The following VPS54 variants were observed in gnomAD, a reference collection of about 807,000 sequenced individuals.
VPS54 encodes VPS54 subunit of GARP complex.
In VPS54, 45 loss-of-function variants were observed where a neutral mutation model predicts 121.5. The ratio of observed to expected loss-of-function variants is 0.37; its 90% CI spans 0.29 to 0.47. VPS54 has a LOEUF of 0.47. VPS54 is among the 20% of genes least tolerant of loss of function. The pLI is 0.99. For missense variants in VPS54, 1,090 were observed against 1,131.4 expected (o/e 0.96, Z 0.52); for synonymous variants, 371 against 385.8 (o/e 0.96, Z 0.45).
chr2:63,904,558 G>T (rs148706631), intron 20 of VPS54, among the ~76,000 whole-genome samples: 5 of 151,390 alleles, frequency 3.3e-5, no homozygotes, highest in African/African-American at 1.2e-4. Context: ...ACAAAAACTT[G>T]CAAAGATCTG....
chr2:63,956,784 T>C (rs942328044), intron 7 of VPS54, among the ~76,000 whole-genome samples: 20 of 152,208 alleles, frequency 1.3e-4, no homozygotes, highest in Admixed American at 1.3e-4. Flanking sequence ...ATATATGTCC[T>C]CTGTTGTAGA....
At chr2:64,017,996 T>C (rs1678788699) in intron 1 of VPS54, among the ~76,000 whole-genome samples, 1 of 152,222 alleles carries the variant, frequency 6.6e-6, no homozygotes, top group South Asian at 2.1e-4. Context: ...AAGGTGCTTT[T>C]TCCAATTAGA....
At chr2:63,979,308 C>T (rs1307132062) in intron 3 of VPS54, among the ~76,000 whole-genome samples, 4 of 149,730 alleles carry the variant, frequency 2.7e-5, no homozygotes, top group Admixed American at 1.3e-4. Context: ...GGTGCGATCT[C>T]GGCTCACTGC....
At chr2:63,967,651 G>A (rs909562298) in intron 5 of VPS54, among the ~76,000 whole-genome samples, 10 of 141,982 alleles carry the variant, frequency 7.0e-5, no homozygotes, top group African/African-American at 1.6e-4. Flanking sequence ...CCTGGGAGGC[G>A]GAGGTTGCAG....
chr2:63,919,999 G>A lies in VPS54; in HGVS notation c.2052-4C>T, dbSNP rs374466736. On this transcript the variant is annotated splice_polypyrimidine_tract_variant and splice_region_variant and intron_variant, in intron 14 of 22. Transcript: ENST00000272322. ...GCGCTCATTGTCTAAGAGGAGGCTA[G>A]TCCACAGTAAGGAGAAAAGAAGGTA... The A allele has an allele frequency of 1.2e-5, 20 of 1,606,056 alleles. No homozygotes were observed. Among genetic ancestry groups the A allele is most frequent in the Non-Finnish European group, 1.6e-5 (19 of 1,175,678 alleles).
intron 11 of VPS54, among the ~76,000 whole-genome samples, chr2:63,936,553 A>G (rs1674463907): frequency 6.6e-6 from 1 of 152,186 alleles, no homozygotes; most frequent in Admixed American, 6.5e-5. Flanking sequence ...ATGACAGACT[A>G]GGATTATTTA....
chr2:63,959,689 C>G (rs193224045), intron 7 of VPS54, among the ~76,000 whole-genome samples: 1 of 152,174 alleles, frequency 6.6e-6, no homozygotes, highest in Non-Finnish European at 1.5e-5. Context: ...GAGTTCGAGA[C>G]CAGCCTGGGT....
intron 1 of VPS54, among the ~76,000 whole-genome samples, chr2:63,993,280 G>A (rs558088796): frequency 7.2e-5 from 11 of 152,186 alleles, no homozygotes; most frequent in East Asian, 1.9e-4. Flanking sequence ...TAGGCATTCC[G>A]ACCTATGCAC....
At chr2:63,970,889 T>C (rs137956800) in intron 4 of VPS54, among the ~76,000 whole-genome samples, 1 of 152,160 alleles carries the variant, frequency 6.6e-6, no homozygotes, top group Non-Finnish European at 1.5e-5. Context: ...TACCATGCTA[T>C]TGTCCAGCAT....
intron 10 of VPS54, 84 bp from the exon 11 acceptor site, chr2:63,942,645 A>G: frequency 8.8e-7 from 1 of 1,141,188 alleles, no homozygotes; most frequent in African/African-American, 1.6e-5. Context: ...AAATGAGACT[A>G]AATACTATCT....
intron 1 of VPS54, 46 bp downstream of exon 1, chr2:64,018,892 G>GGTGA (rs1473949930): frequency 6.6e-6 from 1 of 151,372 alleles, no homozygotes; most frequent in African/African-American, 2.4e-5. Flanking sequence ...TGTAGGTCGG[G>GGTGA]GTGAGAGTGG....
intron 1 of VPS54, among the ~76,000 whole-genome samples, chr2:64,000,650 G>A (rs756231033): frequency 1.9e-4 from 29 of 152,222 alleles, no homozygotes; most frequent in Admixed American, 9.8e-4. Flanking sequence ...GTACCACCTT[G>A]GTAGTCTTGA....
intron 22 of VPS54, among the ~76,000 whole-genome samples, chr2:63,896,136 G>GA (rs1421850329): frequency 6.6e-6 from 1 of 152,166 alleles, no homozygotes; most frequent in Non-Finnish European, 1.5e-5. Flanking sequence ...TCAAGTGAGA[G>GA]ATATACACAG....
chr2:63,899,413 C>G, intron 21 of VPS54, 61 bp downstream of exon 21: 1 of 1,441,084 alleles, frequency 6.9e-7, no homozygotes, highest in Middle Eastern at 1.8e-4. Flanking sequence ...AAAAACACCC[C>G]AATTCTGTAC....
chr2:63,943,545 A>C (rs1416466120), intron 10 of VPS54, among the ~76,000 whole-genome samples: 1 of 152,216 alleles, frequency 6.6e-6, no homozygotes, highest in Non-Finnish European at 1.5e-5. Context: ...TGTGGAAATT[A>C]ATACTCCATT....
rs1435344094 is a variant in VPS54 at position 63,966,011 on chromosome 2, T to C, written c.493-45A>G. On this transcript the variant is annotated intron_variant, in intron 5 of 22. Coordinates refer to ENST00000272322, the MANE Select transcript of VPS54 (RefSeq NM_016516.3). ...CCCTCAATTAGATAAGTATTTTCTT[T>C]ATACCCATTATCTCTTCTAACATCA... The C allele has an allele frequency of 1.9e-6, 3 of 1,572,172 alleles. No individual in the cohort carries two copies. The East Asian group carries it at 6.8e-5, about 35-fold the overall frequency.
intron 1 of VPS54, among the ~76,000 whole-genome samples, chr2:63,987,185 T>G (rs1237449568): frequency 1.3e-5 from 2 of 152,212 alleles, no homozygotes; most frequent in East Asian, 3.8e-4. Flanking sequence ...TTTCTTTTCG[T>G]TGTTTCATAG....
At chr2:63,922,521 C>T (rs757919536) in intron 12 of VPS54, among the ~76,000 whole-genome samples, 2 of 152,188 alleles carry the variant, frequency 1.3e-5, no homozygotes, top group African/African-American at 2.4e-5. Context: ...TCTTAAAGTA[C>T]TCGCAGAAAC....
intron 8 of VPS54, among the ~76,000 whole-genome samples, chr2:63,948,737 C>T (rs1384846472): frequency 6.6e-6 from 1 of 152,058 alleles, no homozygotes; most frequent in African/African-American, 2.4e-5. Flanking sequence ...CTCCAGCACT[C>T]GCACACATAA....
Sources: allele counts gnomAD v4.1 joint callset (sites outside exome capture counted in the v4.1 genomes callset), GRCh38; gene constraint gnomAD v4.1.1; transcripts MANE v1.5; gene names NCBI Gene and HGNC (gene_info 2026-07-23, HGNC 2026-07-21).